Variants in ADAM22 observed in about 807,000 individuals in gnomAD.
ADAM22 encodes the protein ADAM metallopeptidase domain 22, also known as disintegrin and metalloproteinase domain-containing protein 22.
ADAM22 carries 65 observed loss-of-function variants against 144.6 expected under a neutral mutation model. The ratio of observed to expected loss-of-function variants is 0.45; its 90% CI spans 0.37 to 0.55. The LOEUF (loss-of-function observed/expected upper bound fraction) is 0.55. Among genes scored for constraint, ADAM22 ranks in the 20% least tolerant of loss-of-function variants. The probability of loss-of-function intolerance (pLI) is 0.00; values close to 1 mark genes in which losing one functional copy is unlikely to be tolerated. For missense variants in ADAM22, 974 were observed against 1,184.9 expected, an observed-to-expected ratio of 0.82 and a Z score of 2.61; for synonymous variants, 391 against 412.6, an observed-to-expected ratio of 0.95 and a Z score of 0.63.
At chr7:87,965,920 G>A (rs1254302341) in intron 2 of ADAM22, among the ~76,000 whole-genome samples, 3 of 152,170 alleles carry the variant, frequency 2.0e-5, no homozygotes, top group African/African-American at 7.2e-5. Flanking sequence ...AGAGTGTAGT[G>A]GCTTGACAGC....
chr7:88,113,258 G>C (rs534710009), intron 5 of ADAM22, among the ~76,000 whole-genome samples: 1 of 148,698 alleles, frequency 6.7e-6, no homozygotes, highest in Non-Finnish European at 1.5e-5. Flanking sequence ...TCTGTTTTAC[G>C]TACTTTGTTT....
intron 21 of ADAM22, among the ~76,000 whole-genome samples, chr7:88,154,366 T>A (rs1839303814): frequency 6.6e-6 from 1 of 152,146 alleles, no homozygotes; most frequent in South Asian, 2.1e-4. Flanking sequence ...TCCGAATATG[T>A]CCCTACCTCC....
At chr7:88,162,097 TACAC>T (rs61053925) in intron 22 of ADAM22, among the ~76,000 whole-genome samples, 7,301 of 136,764 alleles carry the variant, frequency 0.053, 229 homozygotes, top group Middle Eastern at 0.078. Context: ...AAATGTGTAA[TACAC>T]ACACACACAC....
At position 87,993,629 on chromosome 7, in the gene ADAM22, C is replaced by G. The variant is rs576932388; in HGVS notation, c.323+15217C>G. On this transcript the variant is annotated intron_variant, in intron 3 of 31. Transcript: ENST00000413139. Reference sequence around the variant, plus strand: ...ACCTGTCATGTGCATTCTCTTCTTCCCTCTGCTGTGCAGTGTGGTCACCCT... The same window carrying G: ...ACCTGTCATGTGCATTCTCTTCTTCGCTCTGCTGTGCAGTGTGGTCACCCT... Among the ~76,000 whole-genome samples the G allele has an allele frequency of 2.0e-5, 3 of 152,268 alleles. No individual in the cohort carries two copies. In the South Asian group the frequency reaches 6.2e-4, roughly 32 times the overall value.
intron 14 of ADAM22, among the ~76,000 whole-genome samples, chr7:88,141,568 A>T (rs1350270652): frequency 6.6e-6 from 1 of 152,124 alleles, no homozygotes; most frequent in Non-Finnish European, 1.5e-5. Context: ...TCAATGTAAA[A>T]CAATATTTAA....
chr7:87,938,474 C>A (rs1841802189), intron 2 of ADAM22, among the ~76,000 whole-genome samples: 1 of 151,832 alleles, frequency 6.6e-6, no homozygotes, highest in Non-Finnish European at 1.5e-5. Flanking sequence ...CCACCTCGGC[C>A]ACCCAAAGTG....
chr7:88,060,766 CAA>C (rs72497035), intron 3 of ADAM22, among the ~76,000 whole-genome samples: 9 of 76,356 alleles, frequency 1.2e-4, no homozygotes, highest in Admixed American at 1.6e-4. Flanking sequence ...GACTCCATCT[CAA>C]AAAAAAAAAA....
At chr7:87,942,768 C>T (rs1332065039) in intron 2 of ADAM22, among the ~76,000 whole-genome samples, 3 of 152,070 alleles carry the variant, frequency 2.0e-5, no homozygotes, top group African/African-American at 4.8e-5. Context: ...ACTCGTTCAT[C>T]GTAAGTCACA....
intron 2 of ADAM22, among the ~76,000 whole-genome samples, chr7:87,976,084 G>A (rs1005575348): frequency 7.2e-5 from 11 of 152,088 alleles, no homozygotes; most frequent in South Asian, 4.2e-4. Context: ...AACAACCTTC[G>A]AATGAATCAG....
intron 4 of ADAM22, among the ~76,000 whole-genome samples, chr7:88,076,863 T>A (rs1272189892): frequency 6.6e-6 from 1 of 152,234 alleles, no homozygotes; most frequent in Non-Finnish European, 1.5e-5. Flanking sequence ...TGAATTATAA[T>A]CCCACTCGTT....
chr7:88,019,720 C>T (rs949194116), intron 3 of ADAM22, among the ~76,000 whole-genome samples: 5 of 149,392 alleles, frequency 3.3e-5, no homozygotes, highest in Non-Finnish European at 7.4e-5. Context: ...GGTTGTGGTG[C>T]GCACCTGTAA....
At chr7:88,034,259 G>A (rs1800979791) in intron 3 of ADAM22, among the ~76,000 whole-genome samples, 2 of 152,154 alleles carry the variant, frequency 1.3e-5, no homozygotes, top group Non-Finnish European at 2.9e-5. Flanking sequence ...AGCAGGTGAT[G>A]AATCCTGCCA....
chr7:88,110,783 C>A (rs552851996), intron 5 of ADAM22, among the ~76,000 whole-genome samples: 27 of 11,078 alleles, frequency 2.4e-3, no homozygotes, highest in African/African-American at 9.0e-3. Flanking sequence ...CACTCTGTCC[C>A]ACAGGCTGAA....
At chr7:88,140,847 A>G (rs1834405391) in intron 14 of ADAM22, among the ~76,000 whole-genome samples, 1 of 152,112 alleles carries the variant, frequency 6.6e-6, no homozygotes, top group Non-Finnish European at 1.5e-5. Flanking sequence ...AAAAAAGAAA[A>G]TGCAGGTTTT....
At chr7:88,159,109 G>A (rs1476075281) in intron 22 of ADAM22, among the ~76,000 whole-genome samples, 2 of 152,066 alleles carry the variant, frequency 1.3e-5, no homozygotes, top group African/African-American at 4.8e-5. Context: ...ACAATCATCA[G>A]AGACTACTAC....
In ADAM22 at chr7:88,127,877, A is replaced by G. The variant is rs10266194; in HGVS notation, c.679-725A>G. Among the ~76,000 whole-genome samples the G allele has an allele frequency of 2.3e-3, 343 of 152,172 alleles. 2 individuals carry two copies. Among genetic ancestry groups the G allele is most frequent in the African/African-American group, 7.8e-3 (324 of 41,568 alleles). ...AGAGAACAAAGAGAATAGCTGCCTT[A>G]GTGGCTTTTCCTTAGTGGCTTTTCC... On this transcript the variant is annotated intron_variant, in intron 8 of 31. Coordinates refer to ENST00000413139, the MANE Select transcript of ADAM22 (RefSeq NM_001324418.2).
intron 2 of ADAM22, among the ~76,000 whole-genome samples, chr7:87,956,408 T>C (rs1200475396): frequency 6.6e-6 from 1 of 152,218 alleles, no homozygotes; most frequent in Non-Finnish European, 1.5e-5. Context: ...AGGAACAAAA[T>C]AGTTCCTATC....
intron 3 of ADAM22, among the ~76,000 whole-genome samples, chr7:87,998,869 G>T (rs1791868257): frequency 6.6e-6 from 1 of 152,060 alleles, no homozygotes; most frequent in Non-Finnish European, 1.5e-5. Flanking sequence ...ATCCCACTTA[G>T]CATGAACATC....
intron 26 of ADAM22, among the ~76,000 whole-genome samples, chr7:88,178,043 A>G (rs1846105099): frequency 6.6e-6 from 1 of 152,206 alleles, no homozygotes; most frequent in African/African-American, 2.4e-5. Flanking sequence ...TATTGCAGGA[A>G]GGTTAACTGG....
Sources: gnomAD v4.1 joint callset for allele counts (sites outside exome capture counted in the v4.1 genomes callset) on GRCh38, gnomAD v4.1.1 for gene constraint, MANE v1.5 for transcripts, NCBI Gene and HGNC (gene_info 2026-07-23, HGNC 2026-07-21) for gene names.